Variants in DNAH8 observed in about 807,000 individuals in gnomAD.
DNAH8 encodes the protein dynein axonemal heavy chain 8.
A neutral mutation model predicts 562.1 loss-of-function variants in DNAH8; 382 were observed. That is an observed-to-expected ratio of 0.68 (90% CI 0.63 to 0.74). The LOEUF (loss-of-function observed/expected upper bound fraction) is 0.74, where lower values mean the gene tolerates loss of function less well. Ranked by LOEUF, DNAH8 falls within the 30% of genes least tolerant of loss-of-function variation. The probability of loss-of-function intolerance (pLI) is 0.00; values close to 1 mark genes in which losing one functional copy is unlikely to be tolerated. For synonymous variants in DNAH8, 1,881 were observed against 1,919.4 expected (o/e 0.98, Z 0.52); for missense variants, 5,203 against 5,620.4 (o/e 0.93, Z 2.37).
intron 39 of DNAH8, among the ~76,000 whole-genome samples, chr6:38,852,274 A>G (rs1775808969): frequency 6.6e-6 from 1 of 152,146 alleles, no homozygotes; most frequent in Admixed American, 6.6e-5. Flanking sequence ...GAAACGGCTA[A>G]TGTAGTTTCC....
chr6:38,878,539 A>T (rs896080785), intron 53 of DNAH8, among the ~76,000 whole-genome samples: 1 of 152,196 alleles, frequency 6.6e-6, no homozygotes, highest in African/African-American at 2.4e-5. Context: ...AAAAAGATGG[A>T]TCTGAAAAGA....
chr6:38,741,876 A>T lies in DNAH8; in HGVS notation c.1282A>T (p.Lys428Ter). ...AAATGTGCTAAATGTTGCACACTCCAAACTGCTAAAGGTAAAAGGCTTTTT... is the reference window on the plus strand; with the variant it reads ...AAATGTGCTAAATGTTGCACACTCCTAACTGCTAAAGGTAAAAGGCTTTTT... The part of the protein sequence containing the change: ...VINVLNVAHS[K>*]LLKNWRDLDA... The change falls in exon 8 of 93, where the codon AAA (lysine) becomes TAA (stop). Residue 428 changes from lysine (K) to a stop codon, truncating the protein, a stop_gained. Coordinates refer to ENST00000327475, the MANE Select transcript of DNAH8 (RefSeq NM_001206927.2). LOFTEE classifies it high-confidence loss of function. 6.2e-7 allele frequency: 1 copy of T among 1,610,298 alleles called. No individual in the cohort carries two copies. The highest frequency in any genetic ancestry group is 8.5e-7 in the Non-Finnish European group (1 of 1,178,984).
intron 83 of DNAH8, among the ~76,000 whole-genome samples, chr6:38,973,014 G>A (rs1048681689): frequency 1.6e-4 from 24 of 152,170 alleles, no homozygotes; most frequent in Admixed American, 9.8e-4. Context: ...GCTGATTCCT[G>A]TATAAAGGTA....
intron 24 of DNAH8, among the ~76,000 whole-genome samples, chr6:38,809,686 T>G: frequency 6.6e-6 from 1 of 152,238 alleles, no homozygotes; most frequent in Non-Finnish European, 1.5e-5. Context: ...CTGCACATTT[T>G]TGTTAGATTT....
intron 3 of DNAH8, among the ~76,000 whole-genome samples, chr6:38,724,885 G>A (rs975713793): frequency 6.6e-6 from 1 of 152,080 alleles, no homozygotes; most frequent in Non-Finnish European, 1.5e-5. Flanking sequence ...GTTGGGGTGA[G>A]GTGGGGTTGT....
Position 38,731,080 on chromosome 6 carries a change from C to T in DNAH8, c.610+1094C>T, listed in dbSNP as rs147077760. Among the ~76,000 whole-genome samples the T allele has an allele frequency of 7.2e-5, 11 of 152,178 alleles. No homozygotes were observed. The East Asian group carries it at 1.9e-3, about 27-fold the overall frequency. ...TTGTTTAATATATGTCTTGTTTCTT[C>T]GATAAAATATGTAAACTCGCAAATA... On this transcript the variant is annotated intron_variant, in intron 4 of 92. Transcript: ENST00000327475.
intron 43 of DNAH8, among the ~76,000 whole-genome samples, chr6:38,861,827 C>A (rs1776648456): frequency 6.6e-6 from 1 of 152,178 alleles, no homozygotes; most frequent in Non-Finnish European, 1.5e-5. Context: ...CCACCATGCC[C>A]AGCCTTACCT....
intron 11 of DNAH8, among the ~76,000 whole-genome samples, chr6:38,767,385 C>T (rs1423400178): frequency 5.3e-5 from 8 of 150,964 alleles, no homozygotes; most frequent in African/African-American, 2.0e-4. Flanking sequence ...TGCAGTGAGC[C>T]GAGATGGCAC....
chr6:39,009,076 GCAGATTA>G, intron 89 of DNAH8, 106 bp downstream of exon 89: 2 of 739,934 alleles, frequency 2.7e-6, no homozygotes, highest in Non-Finnish European at 2.2e-6. Flanking sequence ...TGACTATGTG[GCAGATTA>G]CCTGTGTGAA....
chr6:38,822,466 G>T, intron 26 of DNAH8: 1 of 160,066 alleles, frequency 6.2e-6, no homozygotes, highest in Non-Finnish European at 1.4e-5. Flanking sequence ...AGGGTCATTT[G>T]GATAATAAAT....
chr6:38,908,063 T>C lies in DNAH8; in HGVS notation c.9456T>C (p.Tyr3152=). The change falls in exon 64 of 93, where the codon TAT becomes TAC. Residue 3152 remains tyrosine, a synonymous_variant. Transcript: ENST00000327475. ...ATCCTCCTACCTTTGATAATTTGTATGAATACTTCATTTCAAGATCAAGGA... is the reference window on the plus strand; with the variant it reads ...ATCCTCCTACCTTTGATAATTTGTACGAATACTTCATTTCAAGATCAAGGA... The part of the protein sequence containing the change: ...PRHPPTFDNL[Y]EYFISRSRKN... 1 of 1,609,848 alleles carries C rather than the reference T, an allele frequency of 6.2e-7. No homozygotes were observed. Among genetic ancestry groups the C allele is most frequent in the Non-Finnish European group, 8.5e-7 (1 of 1,178,194 alleles).
chr6:38,802,014 C>T (rs12208866), intron 21 of DNAH8, among the ~76,000 whole-genome samples: 31,406 of 151,510 alleles, frequency 0.21, 3,623 homozygotes, highest in Middle Eastern at 0.27. Flanking sequence ...ACATGGCTCA[C>T]TGCTGCCTCC....
At position 38,888,135 on chromosome 6, in the gene DNAH8, A is replaced by G. The variant is rs57707526; in HGVS notation, c.8473+1131A>G. Among the ~76,000 whole-genome samples, 1,556 of 152,200 alleles carry G rather than the reference A, an allele frequency of 0.01. 86 individuals carry two copies. In the East Asian group the frequency reaches 0.15, roughly 14 times the overall value. On this transcript the variant is annotated intron_variant, in intron 57 of 92. Coordinates refer to ENST00000327475, the MANE Select transcript of DNAH8 (RefSeq NM_001206927.2). The stretch of plus-strand genomic sequence containing the variant: ...ATTACAGGCATGAGCCACCGTGCCC[A>G]TCCGGGAAAGGGCAGACTTTTAATA...
At chr6:38,943,822 A>C (rs1324771603) in intron 79 of DNAH8, among the ~76,000 whole-genome samples, 1 of 152,158 alleles carries the variant, frequency 6.6e-6, no homozygotes, top group East Asian at 1.9e-4. Flanking sequence ...AGCTCTTATT[A>C]TTATTCTATA....
chr6:38,897,998 T>C (rs898030706), intron 60 of DNAH8, among the ~76,000 whole-genome samples: 1 of 152,150 alleles, frequency 6.6e-6, no homozygotes, highest in African/African-American at 2.4e-5. Context: ...TATTAATGTG[T>C]TAATTACTAT....
chr6:38,831,828 G>A (rs1773859084), intron 30 of DNAH8, among the ~76,000 whole-genome samples: 1 of 152,224 alleles, frequency 6.6e-6, no homozygotes, highest in Non-Finnish European at 1.5e-5. Context: ...ATGGCAGATA[G>A]CAAGCATTAT....
intron 35 of DNAH8, among the ~76,000 whole-genome samples, chr6:38,844,162 A>G (rs1460648628): frequency 6.6e-6 from 1 of 152,012 alleles, no homozygotes; most frequent in Non-Finnish European, 1.5e-5. Context: ...CTTTTCCTAT[A>G]GATCATTTTT....
At chr6:38,765,546 G>C (rs1766910972) in intron 11 of DNAH8, among the ~76,000 whole-genome samples, 1 of 152,128 alleles carries the variant, frequency 6.6e-6, no homozygotes, top group Admixed American at 6.5e-5. Context: ...ATTTATTGAA[G>C]AGACTGCCCT....
intron 72 of DNAH8, among the ~76,000 whole-genome samples, chr6:38,923,772 C>T (rs915172885): frequency 6.6e-6 from 1 of 152,084 alleles, no homozygotes; most frequent in Non-Finnish European, 1.5e-5. Flanking sequence ...CAGGAGGAAG[C>T]CTTCTTTCTT....
Sources: allele counts gnomAD v4.1 joint callset (sites outside exome capture counted in the v4.1 genomes callset), GRCh38; gene constraint gnomAD v4.1.1; transcripts MANE v1.5; gene names NCBI Gene and HGNC (gene_info 2026-07-23, HGNC 2026-07-21).